The following CPNE5 variants were observed in gnomAD, a reference collection of about 807,000 sequenced individuals.
The protein encoded by CPNE5 is copine-5.
Under a neutral mutation model 81.1 loss-of-function variants are expected in CPNE5, and 42 were observed. The observed-to-expected ratio is 0.52, with a 90% confidence interval of 0.40 to 0.67. CPNE5 has a LOEUF of 0.67. Among genes scored for constraint, CPNE5 ranks in the 30% least tolerant of loss-of-function variants. CPNE5 has a pLI of 0.00. For missense variants in CPNE5, 612 were observed against 815.5 expected, an observed-to-expected ratio of 0.75 and a Z score of 3.04; for synonymous variants, 313 against 321.5, an observed-to-expected ratio of 0.97 and a Z score of 0.28.
chr6:36,747,925 A>T (rs1309272571), intron 15 of CPNE5, among the ~76,000 whole-genome samples: 1 of 152,186 alleles, frequency 6.6e-6, no homozygotes, highest in Non-Finnish European at 1.5e-5. Context: ...CCCGGGGGGA[A>T]ACATCTCCAG....
chr6:36,837,330 G>A (rs1773608262), intron 1 of CPNE5, among the ~76,000 whole-genome samples: 1 of 152,232 alleles, frequency 6.6e-6, no homozygotes, highest in African/African-American at 2.4e-5. Flanking sequence ...TGACAGGTGG[G>A]GGAAACTGAG....
At chr6:36,802,282 T>C (rs975171333) in intron 3 of CPNE5, among the ~76,000 whole-genome samples, 37 of 148,492 alleles carry the variant, frequency 2.5e-4, no homozygotes, top group African/African-American at 6.2e-4. Flanking sequence ...ATGCTTTTTT[T>C]CCCCACAATT....
At chr6:36,819,901 C>G (rs1349938782) in intron 3 of CPNE5, among the ~76,000 whole-genome samples, 2 of 152,238 alleles carry the variant, frequency 1.3e-5, no homozygotes, top group African/African-American at 2.4e-5. Flanking sequence ...CCCTCTCCCC[C>G]CATTCTGGTG....
At position 36,753,152 on chromosome 6, in the gene CPNE5, T is replaced by C. The variant is rs904817857; in HGVS notation, c.910-57A>G. The C allele has an allele frequency of 8.4e-6, 12 of 1,431,214 alleles. No homozygotes were observed. The African/African-American group carries it at 1.5e-4, about 18-fold the overall frequency. 88.7% of individuals were successfully genotyped at this position (1,431,214 alleles called of 1,614,324 possible). ...GAGCCTGGGGTCAGGGGAGATGGGTTATGATTCGAGAGCTGACATTGACAG... is the reference window on the plus strand; with the variant it reads ...GAGCCTGGGGTCAGGGGAGATGGGTCATGATTCGAGAGCTGACATTGACAG... On this transcript the variant is annotated intron_variant, in intron 13 of 20. Transcript: ENST00000244751.
At chr6:36,743,156 C>A in intron 20 of CPNE5, 2 of 985,434 alleles carry the variant, frequency 2.0e-6, no homozygotes, top group Non-Finnish European at 2.4e-6. Context: ...CTCCTAAGCA[C>A]TAGGGCCTCC....
Position 36,745,445 on chromosome 6 carries a change from C to T in CPNE5, c.1271G>A (p.Arg424His), listed in dbSNP as rs147728429. ...GILEAYHRSLRTVQLYGPTNF... is the reference protein window; with the variant it reads ...GILEAYHRSLHTVQLYGPTNF... Reference sequence around the variant, plus strand: ...GGTGGGGCCGTACAGCTGCACAGTGCGCAGGCTGCGGTGGTAGGCCTCCAG... The same window carrying T: ...GGTGGGGCCGTACAGCTGCACAGTGTGCAGGCTGCGGTGGTAGGCCTCCAG... The change falls in exon 17 of 21, where the codon CGC (arginine) becomes CAC (histidine). Residue 424 changes from arginine to histidine, a missense_variant. Arg to His is a conservative substitution (Grantham distance 29). Transcript: ENST00000244751. 201 of 1,604,804 alleles carry T rather than the reference C, an allele frequency of 1.3e-4. No individual in the cohort carries two copies. The highest frequency in any genetic ancestry group is 1.7e-4 in the Middle Eastern group (1 of 6,048).
At position 36,823,122 on chromosome 6, in the gene CPNE5, G is replaced by C. The variant is rs767436422; in HGVS notation, c.96-24C>G. On this transcript the variant is annotated intron_variant, in intron 1 of 20. Coordinates refer to ENST00000244751, the MANE Select transcript of CPNE5 (RefSeq NM_020939.2). Reference sequence around the variant, plus strand: ...TCCTGAAAGAGGGGGAGAGAGGAGGGGTTAGCACGGCCAGCTGAGAGGAGG... The same window carrying C: ...TCCTGAAAGAGGGGGAGAGAGGAGGCGTTAGCACGGCCAGCTGAGAGGAGG... 3.9e-6 allele frequency: 6 copies of C among 1,535,756 alleles called. No homozygotes were observed. In the Admixed American group the frequency reaches 1.1e-4, roughly 29 times the overall value.
intron 7 of CPNE5, chr6:36,792,520 C>T: frequency 3.2e-6 from 2 of 615,814 alleles, no homozygotes; most frequent in Non-Finnish European, 5.4e-6. Context: ...CGGGACAGTC[C>T]AGCTCTGAGC....
At chr6:36,756,681 C>T (rs147875496) in intron 12 of CPNE5, among the ~76,000 whole-genome samples, 132 of 152,320 alleles carry the variant, frequency 8.7e-4, no homozygotes, top group South Asian at 5.0e-3. Context: ...CAAAAATGCA[C>T]CCCCTTCCTC....
At chr6:36,751,271 C>T (rs1764790364) in intron 14 of CPNE5, among the ~76,000 whole-genome samples, 1 of 152,234 alleles carries the variant, frequency 6.6e-6, no homozygotes, top group African/African-American at 2.4e-5. Context: ...GCATCCAGCC[C>T]TTTAACTCAT....
chr6:36,802,879 A>G (rs959556997), intron 3 of CPNE5, among the ~76,000 whole-genome samples: 9 of 151,982 alleles, frequency 5.9e-5, no homozygotes, highest in Non-Finnish European at 1.3e-4. Context: ...GTGAAACCCC[A>G]TCTCTATTTA....
intron 1 of CPNE5, among the ~76,000 whole-genome samples, chr6:36,829,076 CT>C (rs1262323388): frequency 6.6e-6 from 1 of 152,202 alleles, no homozygotes; most frequent in Non-Finnish European, 1.5e-5. Flanking sequence ...ATATTCCCCC[CT>C]CTCTTCTCCC....
intron 20 of CPNE5, 152 bp from the exon 21 acceptor site, chr6:36,742,638 T>A (rs1763667962): frequency 7.1e-7 from 1 of 1,417,856 alleles, no homozygotes. Flanking sequence ...AGGGACTGTA[T>A]CCCTCAACTC....
At position 36,744,309 on chromosome 6, in the gene CPNE5, A is replaced by T. The variant is rs1763877928; in HGVS notation, c.1448T>A (p.Met483Lys). ...EAIVNAAKLPMSIIIVGVGQA... is the reference protein window; with the variant it reads ...EAIVNAAKLPKSIIIVGVGQA... ...GCCCACGCCGACGATAATGATGGAC[A>T]TGGGGAGCTTGGCAGCCTGGGAGAC... Residue 483 changes from methionine (M) to lysine (K), a missense_variant, in exon 19 of 21, where the codon ATG (methionine) becomes AAG (lysine). Met to Lys is a moderately conservative substitution (Grantham distance 95). Transcript: ENST00000244751. 7 of 1,583,786 alleles carry T rather than the reference A, an allele frequency of 4.4e-6. No individual in the cohort carries two copies. The highest frequency in any genetic ancestry group is 1.9e-5 in the Admixed American group (1 of 53,698).
chr6:36,769,033 C>A (rs1766830391), intron 10 of CPNE5, among the ~76,000 whole-genome samples: 2 of 152,210 alleles, frequency 1.3e-5, no homozygotes, highest in African/African-American at 4.8e-5. Context: ...ACACTCCATC[C>A]CTTTATCCAA....
chr6:36,754,177 C>T (rs1300540863), intron 13 of CPNE5: 6 of 151,774 alleles, frequency 4.0e-5, no homozygotes, highest in East Asian at 1.9e-4. Flanking sequence ...CCATTATAGC[C>T]GAGTTTCCGG....
intron 6 of CPNE5, among the ~76,000 whole-genome samples, chr6:36,795,262 T>G (rs1358443859): frequency 6.6e-6 from 1 of 151,926 alleles, no homozygotes. Context: ...CACCGCAACC[T>G]CCACCTACCA....
intron 1 of CPNE5, among the ~76,000 whole-genome samples, chr6:36,832,276 T>C (rs1773041320): frequency 6.6e-6 from 1 of 152,136 alleles, no homozygotes; most frequent in Admixed American, 6.5e-5. Context: ...CGTTTGCCCA[T>C]CCAGCAAACA....
At chr6:36,813,888 G>C (rs1771315820) in intron 3 of CPNE5, among the ~76,000 whole-genome samples, 1 of 152,178 alleles carries the variant, frequency 6.6e-6, no homozygotes, top group Non-Finnish European at 1.5e-5. Flanking sequence ...GGAGTGCCCA[G>C]GTCAATGGTA....
Sources: gnomAD v4.1 joint callset for allele counts (sites outside exome capture counted in the v4.1 genomes callset) on GRCh38, gnomAD v4.1.1 for gene constraint, MANE v1.5 for transcripts, NCBI Gene and HGNC (gene_info 2026-07-23, HGNC 2026-07-21) for gene names.